Variants in PDE3B observed in about 807,000 individuals in gnomAD.
PDE3B encodes the protein phosphodiesterase 3B.
Under a neutral mutation model 116.8 loss-of-function variants are expected in PDE3B, and 66 were observed. The ratio of observed to expected loss-of-function variants is 0.56; its 90% CI spans 0.46 to 0.69. The LOEUF (loss-of-function observed/expected upper bound fraction) is 0.69, where lower values mean the gene tolerates loss of function less well. PDE3B is among the 30% of genes least tolerant of loss of function. PDE3B has a pLI of 0.00. For synonymous variants in PDE3B, 595 were observed against 533.6 expected (o/e 1.12, Z -1.59); for missense variants, 1,384 against 1,368.1 (o/e 1.01, Z -0.18).
chr11:14,665,484 G>T (rs1394043554), intron 1 of PDE3B, among the ~76,000 whole-genome samples: 1 of 152,206 alleles, frequency 6.6e-6, no homozygotes, highest in Non-Finnish European at 1.5e-5. Context: ...AATTGTCCCT[G>T]TTTGCAGATG....
intron 2 of PDE3B, among the ~76,000 whole-genome samples, chr11:14,778,336 G>A (rs541888844): frequency 6.6e-6 from 1 of 152,334 alleles, no homozygotes; most frequent in Non-Finnish European, 1.5e-5. Context: ...CCAGCACGGA[G>A]TTTGAGATCT....
At chr11:14,832,633 T>A in intron 9 of PDE3B, 89 bp from the exon 10 acceptor site, 1 of 550,934 alleles carries the variant, frequency 1.8e-6, no homozygotes, top group Non-Finnish European at 3.3e-6. Flanking sequence ...ATGGTTAACA[T>A]TCCAGAATAC....
At chr11:14,895,189 C>G in the PDE3B span, among the ~76,000 whole-genome samples, 3 of 152,308 alleles carry the variant, frequency 2.0e-5, no homozygotes, top group South Asian at 6.2e-4. Context: ...AGAGAGCTCC[C>G]CACACAGAGT....
chr11:14,726,858 C>T (rs972609134), intron 1 of PDE3B, among the ~76,000 whole-genome samples: 1 of 152,038 alleles, frequency 6.6e-6, no homozygotes, highest in East Asian at 1.9e-4. Flanking sequence ...GAAGTAGACT[C>T]CTTTGAGAAG....
downstream of PDE3B, among the ~76,000 whole-genome samples, chr11:14,873,466 A>G (rs1322792678): frequency 6.6e-6 from 1 of 152,176 alleles, no homozygotes; most frequent in Admixed American, 6.5e-5. Context: ...GGTTTAAGAT[A>G]GATAGAGTTG....
chr11:14,681,917 C>G (rs1854722054), intron 1 of PDE3B, among the ~76,000 whole-genome samples: 1 of 152,152 alleles, frequency 6.6e-6, no homozygotes, highest in Admixed American at 6.5e-5. Context: ...TTGACTCCCC[C>G]AAACCTAACT....
At chr11:14,879,093 GC>G in the PDE3B span, 2 of 1,569,304 alleles carry the variant, frequency 1.3e-6, no homozygotes, top group Non-Finnish European at 1.8e-6. Context: ...CTAAAGTTAC[GC>G]CCCGTGAAAG....
At chr11:14,882,905 C>A in the PDE3B span, among the ~76,000 whole-genome samples, 1 of 152,036 alleles carries the variant, frequency 6.6e-6, no homozygotes, top group East Asian at 1.9e-4. Context: ...AAACACAGAG[C>A]CAAATCATGA....
chr11:14,865,622 T>C (rs1848030105), intron 14 of PDE3B, among the ~76,000 whole-genome samples: 1 of 152,180 alleles, frequency 6.6e-6, no homozygotes, highest in Non-Finnish European at 1.5e-5. Context: ...GAAAGATTAT[T>C]AATATTTTAC....
Position 14,815,513 on chromosome 11 carries a change from G to A in PDE3B, c.1523-2670G>A, listed in dbSNP as rs572653805. The stretch of plus-strand genomic sequence containing the variant: ...ATTGGCTGGGGGCCACCCACAGTTC[G>A]TAGAGGCTGCCCATAGTTTTTTGTC... On this transcript the variant is annotated intron_variant, in intron 5 of 15. Coordinates refer to ENST00000282096, the MANE Select transcript of PDE3B (RefSeq NM_000922.4). 3.3e-5 allele frequency among the ~76,000 whole-genome samples: 5 copies of A among 152,220 alleles called. No individual in the cohort carries two copies. The East Asian group carries it at 5.8e-4, about 18-fold the overall frequency.
intron 4 of PDE3B, among the ~76,000 whole-genome samples, chr11:14,796,854 C>T (rs947242766): frequency 1.3e-5 from 2 of 152,294 alleles, no homozygotes; most frequent in African/African-American, 2.4e-5. Context: ...TTTTGCTGTG[C>T]AGAAGCTCTT....
chr11:14,853,242 T>G (rs1465625358), intron 12 of PDE3B, among the ~76,000 whole-genome samples: 1 of 152,332 alleles, frequency 6.6e-6, no homozygotes, highest in African/African-American at 2.4e-5. Flanking sequence ...AGTGATCATT[T>G]AGGATACTAT....
intron 14 of PDE3B, among the ~76,000 whole-genome samples, chr11:14,864,707 A>G (rs1210413803): frequency 6.6e-6 from 1 of 152,144 alleles, no homozygotes; most frequent in East Asian, 1.9e-4. Flanking sequence ...CTACTGGGTA[A>G]ATAACGAAAT....
At position 14,871,263 on chromosome 11, in the gene PDE3B, TTGAG is replaced by T. The variant is rs1366980755; in HGVS notation, c.*1610_*1613del. On this transcript the variant is annotated 3_prime_UTR_variant, in exon 16 of 16. Coordinates refer to ENST00000282096, the MANE Select transcript of PDE3B (RefSeq NM_000922.4). ...CACTAAGCTTTATTTATTAGACGTG[TTGAG>T]TGAGTGCTGAGTTCCTTGCTGCCAC... The T allele has an allele frequency of 6.6e-6, 1 of 152,178 alleles. No homozygotes were observed. The allele number at this position is 152,178 out of a possible 1,614,324, so 9.4% of individuals were successfully genotyped here. A position where few individuals can be genotyped will look rare whatever the true frequency, so the allele number is the denominator to read the frequency against.
rs778195821 is a variant in PDE3B at position 14,831,664 on chromosome 11, C to A, written c.1981C>A (p.Leu661Met). The change falls in exon 9 of 16, where the codon CTG (leucine) becomes ATG (methionine). Residue 661 changes from leucine to methionine, a missense_variant. Around this residue, in one of 2 missense-constraint regions of PDE3B, gnomAD observed 428 missense variants for 561.4 expected, o/e 0.76. Transcript: ENST00000282096. ...GATTGAACAGGAAGTATCACTGGAC[C>A]TGATTTTAGTAGAAGAGTATGACTC... is the stretch of plus-strand genomic sequence containing the variant. ...TNIEQEVSLDLILVEEYDSLI... is the reference protein window; with the variant it reads ...TNIEQEVSLDMILVEEYDSLI... 10 of 1,588,288 alleles carry A rather than the reference C, an allele frequency of 6.3e-6. No individual in the cohort carries two copies. The highest frequency in any genetic ancestry group is 1.3e-5 in the African/African-American group (1 of 74,110).
the PDE3B span, among the ~76,000 whole-genome samples, chr11:14,889,975 A>G: frequency 6.6e-6 from 1 of 151,988 alleles, no homozygotes; most frequent in Non-Finnish European, 1.5e-5. Context: ...AAAAATTACA[A>G]AAAATTAGCC....
chr11:14,660,464 GC>G (rs1250500838), intron 1 of PDE3B, among the ~76,000 whole-genome samples: 1 of 151,688 alleles, frequency 6.6e-6, no homozygotes, highest in Non-Finnish European at 1.5e-5. Flanking sequence ...ACCATTCCTG[GC>G]TATTTTTTTT....
intron 1 of PDE3B, among the ~76,000 whole-genome samples, chr11:14,681,645 G>A (rs573035230): frequency 6.6e-5 from 10 of 152,290 alleles, no homozygotes; most frequent in African/African-American, 2.4e-4. Flanking sequence ...AGGACTGTCT[G>A]TATTTATTTC....
chr11:14,752,150 A>C (rs1416294801), intron 1 of PDE3B, among the ~76,000 whole-genome samples: 8 of 152,132 alleles, frequency 5.3e-5, no homozygotes, highest in Non-Finnish European at 4.4e-5. Flanking sequence ...TGTTTCTAAG[A>C]GTCTTTAAAG....
Sources: allele counts gnomAD v4.1 joint callset (sites outside exome capture counted in the v4.1 genomes callset), GRCh38; gene constraint gnomAD v4.1.1; regional missense constraint gnomAD v4.1.1; transcripts MANE v1.5; gene names NCBI Gene and HGNC (gene_info 2026-07-23, HGNC 2026-07-21).